The following ARHGAP44 variants were observed in gnomAD, a reference collection of about 807,000 sequenced individuals.
ARHGAP44 encodes the protein Rho GTPase activating protein 44.
In ARHGAP44, 43 loss-of-function variants were observed where a neutral mutation model predicts 106.8. The ratio of observed to expected loss-of-function variants is 0.40; its 90% confidence interval spans 0.32 to 0.52. ARHGAP44 has a LOEUF of 0.52. Among genes scored for constraint, ARHGAP44 ranks in the 20% least tolerant of loss-of-function variants. The pLI is 0.48. For synonymous variants in ARHGAP44, 439 were observed against 410.3 expected, an observed-to-expected ratio of 1.07 and a Z score of -0.85; for missense variants, 866 against 1,050.5, an observed-to-expected ratio of 0.82 and a Z score of 2.43.
intron 10 of ARHGAP44, among the ~76,000 whole-genome samples, chr17:12,945,221 G>A (rs2038821155): frequency 6.6e-6 from 1 of 151,660 alleles, no homozygotes; most frequent in South Asian, 2.1e-4. Context: ...TGTTGGCCAG[G>A]CTAGTCTTGA....
At chr17:12,918,616 T>C (rs143263856) in intron 5 of ARHGAP44, among the ~76,000 whole-genome samples, 104 of 152,350 alleles carry the variant, frequency 6.8e-4, no homozygotes, top group African/African-American at 2.5e-3. Flanking sequence ...AGTCTTACTT[T>C]ATTTCTATAA....
intron 12 of ARHGAP44, among the ~76,000 whole-genome samples, chr17:12,952,006 A>G (rs1255215918): frequency 6.6e-6 from 1 of 152,190 alleles, no homozygotes; most frequent in African/African-American, 2.4e-5. Flanking sequence ...CAGATCTGCC[A>G]TAAGATGGGA....
At chr17:12,987,011 A>G in intron 20 of ARHGAP44, 1 of 1,260,486 alleles carries the variant, frequency 7.9e-7, no homozygotes, top group Non-Finnish European at 1.1e-6. Context: ...GGACTGTGAT[A>G]TTGGCATAGC....
intron 5 of ARHGAP44, among the ~76,000 whole-genome samples, chr17:12,916,395 T>C (rs2037915772): frequency 1.3e-5 from 2 of 152,004 alleles, no homozygotes; most frequent in Non-Finnish European, 2.9e-5. Context: ...TTTTATGTTT[T>C]TTTTTTGAGA....
At chr17:12,791,410 T>G (rs1372459634) in intron 1 of ARHGAP44, among the ~76,000 whole-genome samples, 1 of 152,190 alleles carries the variant, frequency 6.6e-6, no homozygotes, top group Non-Finnish European at 1.5e-5. Flanking sequence ...ATGTCTTGGC[T>G]TCTTCGTCAC....
chr17:12,980,176 G>GCCAGCC lies in ARHGAP44; in HGVS notation c.1895_1900dup (p.Pro632_Ser633dup), dbSNP rs557213565. The GCCAGCC allele has an allele frequency of 1.2e-3, 1,936 of 1,612,544 alleles. 21 individuals are homozygous for GCCAGCC. In the African/African-American group the frequency reaches 0.022, roughly 18 times the overall value. On this transcript the variant is annotated inframe_insertion, in exon 19 of 21. Coordinates refer to ENST00000379672, the MANE Select transcript of ARHGAP44 (RefSeq NM_014859.6). ...GGCTCAACCTGGAGCTCAGCCGGGC[G>GCCAGCC]CCAGCCCCAGCCCCAGCCAGCCGCC...
At chr17:12,802,745 TTTTA>T (rs984855162) in intron 1 of ARHGAP44, among the ~76,000 whole-genome samples, 3 of 146,520 alleles carry the variant, frequency 2.0e-5, no homozygotes, top group African/African-American at 7.6e-5. Flanking sequence ...GTCCATTCTT[TTTTA>T]TTTCTTTTTT....
intron 1 of ARHGAP44, among the ~76,000 whole-genome samples, chr17:12,805,394 C>CAGGAGA: frequency 6.6e-6 from 1 of 152,066 alleles, no homozygotes; most frequent in Non-Finnish European, 1.5e-5. Context: ...TGTATGTGCT[C>CAGGAGA]CTCTAAAAAG....
chr17:12,886,846 G>A (rs557082430), intron 1 of ARHGAP44, among the ~76,000 whole-genome samples: 96 of 151,962 alleles, frequency 6.3e-4, no homozygotes, highest in Middle Eastern at 6.8e-3. Context: ...AGGAGCAAAT[G>A]CACTTGCCTT....
intron 1 of ARHGAP44, among the ~76,000 whole-genome samples, chr17:12,879,733 T>TACACACAC (rs757560105): frequency 2.0e-5 from 3 of 148,372 alleles, no homozygotes; most frequent in African/African-American, 4.9e-5. Context: ...TATATATATA[T>TACACACAC]ACACACACAC....
At chr17:12,980,355 C>T (rs2039802068) in intron 19 of ARHGAP44, 122 bp downstream of exon 19, 1 of 1,055,928 alleles carries the variant, frequency 9.5e-7, no homozygotes, top group African/African-American at 1.6e-5. Flanking sequence ...GACTAATTCC[C>T]ATCTGGACAT....
chr17:12,840,397 A>C (rs1018327355), intron 1 of ARHGAP44, among the ~76,000 whole-genome samples: 7 of 152,374 alleles, frequency 4.6e-5, no homozygotes, highest in African/African-American at 1.7e-4. Flanking sequence ...ATTAGTACCC[A>C]GGATGCTGAC....
intron 1 of ARHGAP44, among the ~76,000 whole-genome samples, chr17:12,890,370 A>T (rs1054783790): frequency 6.6e-6 from 1 of 152,224 alleles, no homozygotes; most frequent in African/African-American, 2.4e-5. Flanking sequence ...CAGCAGAGTT[A>T]GCATTATATG....
At chr17:12,882,514 A>G (rs1033102255) in intron 1 of ARHGAP44, among the ~76,000 whole-genome samples, 1 of 152,068 alleles carries the variant, frequency 6.6e-6, no homozygotes, top group African/African-American at 2.4e-5. Flanking sequence ...GATTCTAAAG[A>G]GCATGGTTTT....
At chr17:12,851,196 C>T (rs1461436458) in intron 1 of ARHGAP44, among the ~76,000 whole-genome samples, 3 of 152,222 alleles carry the variant, frequency 2.0e-5, no homozygotes, top group Non-Finnish European at 2.9e-5. Flanking sequence ...AAGGCTGGCA[C>T]CTCCGCTGTG....
intron 6 of ARHGAP44, among the ~76,000 whole-genome samples, chr17:12,922,779 A>T (rs1049366723): frequency 6.6e-6 from 1 of 152,022 alleles, no homozygotes; most frequent in Non-Finnish European, 1.5e-5. Context: ...TTGTATTTTT[A>T]GTATAGACGG....
intron 1 of ARHGAP44, among the ~76,000 whole-genome samples, chr17:12,884,029 A>G (rs1323851288): frequency 6.6e-6 from 1 of 152,118 alleles, no homozygotes; most frequent in African/African-American, 2.4e-5. Context: ...CTAACATTAT[A>G]TTGCTGTCCT....
chr17:12,969,504 A>G (rs1429641189), intron 16 of ARHGAP44, among the ~76,000 whole-genome samples: 1 of 152,226 alleles, frequency 6.6e-6, no homozygotes, highest in Non-Finnish European at 1.5e-5. Context: ...GAACTCCTCC[A>G]TATTATAGAG....
At chr17:12,863,968 A>G (rs961256003) in intron 1 of ARHGAP44, among the ~76,000 whole-genome samples, 2 of 152,188 alleles carry the variant, frequency 1.3e-5, no homozygotes, top group African/African-American at 4.8e-5. Context: ...GCTGATGGCT[A>G]AAGACCCTCA....
Sources: allele counts gnomAD v4.1 joint callset (sites outside exome capture counted in the v4.1 genomes callset), GRCh38; gene constraint gnomAD v4.1.1; transcripts MANE v1.5; gene names NCBI Gene and HGNC (gene_info 2026-07-23, HGNC 2026-07-21).